Variants in PAK1 observed in about 807,000 individuals in gnomAD.
PAK1 encodes the protein serine/threonine-protein kinase PAK 1.
Under a neutral mutation model 67.4 loss-of-function variants are expected in PAK1, and 29 were observed. That is an observed-to-expected ratio of 0.43 (90% confidence interval 0.32 to 0.59). PAK1 has a LOEUF of 0.59. Ranked by LOEUF, PAK1 falls within the 20% of genes least tolerant of loss-of-function variation. The pLI is 0.07. For missense variants in PAK1, 337 were observed against 670.7 expected (o/e 0.50, Z 5.50); for synonymous variants, 223 against 237.4 (o/e 0.94, Z 0.56).
chr11:77,492,609 A>G, the PAK1 span, among the ~76,000 whole-genome samples: 15 of 148,252 alleles, frequency 1.0e-4, no homozygotes, highest in Non-Finnish European at 1.9e-4. Context: ...TGGCACAATC[A>G]TAGCTCACTA....
At chr11:77,400,602 C>T (rs1952546422) in intron 1 of PAK1, among the ~76,000 whole-genome samples, 1 of 152,122 alleles carries the variant, frequency 6.6e-6, no homozygotes, top group Non-Finnish European at 1.5e-5. Context: ...CACAATGAGA[C>T]CTGGAGTTTA....
At chr11:77,516,781 T>C in the PAK1 span, among the ~76,000 whole-genome samples, 1 of 143,126 alleles carries the variant, frequency 7.0e-6, no homozygotes, top group Non-Finnish European at 1.5e-5. Flanking sequence ...GGTGAGGGGA[T>C]CAGCTGAGCT....
intron 10 of PAK1, among the ~76,000 whole-genome samples, chr11:77,342,944 A>G (rs769631032): frequency 1.3e-5 from 2 of 151,130 alleles, no homozygotes; most frequent in Non-Finnish European, 2.9e-5. Flanking sequence ...GGTGCTAGAT[A>G]TTGGTGCTAG....
the PAK1 span, among the ~76,000 whole-genome samples, chr11:77,493,986 A>G: frequency 1.3e-5 from 2 of 152,214 alleles, no homozygotes; most frequent in Admixed American, 1.3e-4. Flanking sequence ...TGCTGATGAG[A>G]TTGTAAGGAA....
the PAK1 span, among the ~76,000 whole-genome samples, chr11:77,522,664 A>G: frequency 6.6e-6 from 1 of 152,206 alleles, no homozygotes; most frequent in Non-Finnish European, 1.5e-5. Flanking sequence ...CAATTTGGAG[A>G]TTTCTCAAAG....
chr11:77,396,828 A>C (rs939796745), intron 1 of PAK1, among the ~76,000 whole-genome samples: 1 of 152,108 alleles, frequency 6.6e-6, no homozygotes, highest in African/African-American at 2.4e-5. Context: ...CAGCCCTCCA[A>C]CAAGCCCTTT....
chr11:77,498,547 T>TA, the PAK1 span, among the ~76,000 whole-genome samples: 1 of 152,134 alleles, frequency 6.6e-6, no homozygotes, highest in Non-Finnish European at 1.5e-5. Context: ...TGCCTTGTCT[T>TA]ACATTCATTT....
chr11:77,457,111 C>T (rs190048305), intron 1 of PAK1, among the ~76,000 whole-genome samples: 271 of 152,294 alleles, frequency 1.8e-3, no homozygotes, highest in African/African-American at 5.9e-3. Flanking sequence ...ACTAAAACTA[C>T]TCTGGCCAGA....
chr11:77,341,970 G>A (rs894093082), intron 10 of PAK1, among the ~76,000 whole-genome samples: 2 of 152,184 alleles, frequency 1.3e-5, no homozygotes, highest in Admixed American at 1.3e-4. Context: ...TTTTGAGAGA[G>A]AAGACTATGG....
the PAK1 span, among the ~76,000 whole-genome samples, chr11:77,484,678 A>G: frequency 6.6e-6 from 1 of 152,194 alleles, no homozygotes; most frequent in Admixed American, 6.5e-5. Context: ...GTGACCAGTC[A>G]CTAACTTTGT....
At chr11:77,364,476 A>T (rs1947234375) in intron 5 of PAK1, among the ~76,000 whole-genome samples, 1 of 152,180 alleles carries the variant, frequency 6.6e-6, no homozygotes, top group Admixed American at 6.5e-5. Context: ...AACAACAAAC[A>T]CTGAGCAATG....
At chr11:77,366,076 T>A (rs1348701340) in intron 5 of PAK1, among the ~76,000 whole-genome samples, 1 of 152,162 alleles carries the variant, frequency 6.6e-6, no homozygotes, top group East Asian at 1.9e-4. Context: ...CTGAAATTTT[T>A]AAAAATTGCC....
the PAK1 span, among the ~76,000 whole-genome samples, chr11:77,526,591 T>G: frequency 6.6e-6 from 1 of 152,330 alleles, no homozygotes; most frequent in East Asian, 1.9e-4. Context: ...CACATGTGGT[T>G]GCATATACCT....
chr11:77,430,794 A>G (rs1289634944), intron 1 of PAK1, among the ~76,000 whole-genome samples: 1 of 152,218 alleles, frequency 6.6e-6, no homozygotes, highest in Non-Finnish European at 1.5e-5. Context: ...ACATATCAGA[A>G]GTGCCAGAAA....
At chr11:77,442,537 G>A (rs1022281785) in intron 1 of PAK1, among the ~76,000 whole-genome samples, 2 of 152,132 alleles carry the variant, frequency 1.3e-5, no homozygotes, top group East Asian at 3.9e-4. Flanking sequence ...GAGTGAACTT[G>A]GAAGGAGTTC....
At chr11:77,403,124 G>A (rs1308582082) in intron 1 of PAK1, among the ~76,000 whole-genome samples, 1 of 152,186 alleles carries the variant, frequency 6.6e-6, no homozygotes, top group East Asian at 1.9e-4. Flanking sequence ...ACCTATCAGT[G>A]TAGTCCTTAA....
intron 1 of PAK1, among the ~76,000 whole-genome samples, chr11:77,401,570 T>G (rs893117887): frequency 6.6e-6 from 1 of 152,198 alleles, no homozygotes; most frequent in Non-Finnish European, 1.5e-5. Context: ...CCACCTATCT[T>G]TTTAGTTTCA....
upstream of PAK1, chr11:77,476,721 A>C (rs1334830850): frequency 6.6e-6 from 1 of 152,270 alleles, no homozygotes; most frequent in Non-Finnish European, 1.5e-5. Context: ...ACAGTGGCTC[A>C]CATCTGTAAT....
intron 1 of PAK1, among the ~76,000 whole-genome samples, chr11:77,407,968 A>G (rs1338535677): frequency 6.6e-6 from 1 of 152,152 alleles, no homozygotes; most frequent in Non-Finnish European, 1.5e-5. Flanking sequence ...AGAAAAGAGG[A>G]TATAGGAAAA....
Sources: allele counts gnomAD v4.1 joint callset (sites outside exome capture counted in the v4.1 genomes callset), GRCh38; gene constraint gnomAD v4.1.1; transcripts MANE v1.5; gene names NCBI Gene and HGNC (gene_info 2026-07-23, HGNC 2026-07-21).